The following PRKD1 variants were observed in gnomAD, a reference collection of about 807,000 sequenced individuals.
PRKD1 encodes the protein serine/threonine-protein kinase D1.
In PRKD1, 63 loss-of-function variants were observed where a neutral mutation model predicts 95.9. The ratio of observed to expected loss-of-function variants is 0.66; its 90% CI spans 0.54 to 0.81. The LOEUF (loss-of-function observed/expected upper bound fraction) is 0.81. PRKD1 is among the 30% of genes least tolerant of loss of function. PRKD1 has a pLI of 0.00. For missense variants in PRKD1, 1,048 were observed against 1,165.3 expected, an observed-to-expected ratio of 0.90 and a Z score of 1.47; for synonymous variants, 425 against 423.1, an observed-to-expected ratio of 1.00 and a Z score of -0.05.
At chr14:29,835,493 G>T (rs1328157096) in intron 1 of PRKD1, among the ~76,000 whole-genome samples, 1 of 152,142 alleles carries the variant, frequency 6.6e-6, no homozygotes, top group East Asian at 1.9e-4. Context: ...CCTTTCCCCA[G>T]TTTCCACTGA....
rs531046706 is a variant in PRKD1, at chr14:29,576,906, C to T, written c.*332G>A. 2 of 344,856 alleles carry T rather than the reference C, an allele frequency of 5.8e-6. No homozygotes were observed. The highest frequency in any genetic ancestry group is 2.1e-5 in the African/African-American group (1 of 47,894). 21.4% of individuals were successfully genotyped at this position (344,856 alleles called of 1,614,324 possible). The stretch of plus-strand genomic sequence containing the variant: ...GAACTACTTCACAGATACATTCTGT[C>T]TCTTACCAAAATGAAGCTCCAGTAA... On this transcript the variant is annotated 3_prime_UTR_variant, in exon 18 of 18. Coordinates refer to ENST00000331968, the MANE Select transcript of PRKD1 (RefSeq NM_002742.3).
chr14:29,587,701 T>A (rs1892986065), intron 16 of PRKD1, among the ~76,000 whole-genome samples: 1 of 152,212 alleles, frequency 6.6e-6, no homozygotes, highest in Non-Finnish European at 1.5e-5. Context: ...CTTATTTGGA[T>A]TTTGAAATAT....
At chr14:29,920,587 TACACACACACACACACACACACAC>T (rs5807556) in intron 1 of PRKD1, among the ~76,000 whole-genome samples, 3 of 141,310 alleles carry the variant, frequency 2.1e-5, no homozygotes, top group Non-Finnish European at 4.7e-5. Flanking sequence ...TCCAGTCTAA[TACACACACACACACACACACACAC>T]ACACACACAC....
At chr14:29,730,210 G>GA (rs1566566260) in intron 1 of PRKD1, among the ~76,000 whole-genome samples, 1 of 151,914 alleles carries the variant, frequency 6.6e-6, no homozygotes, top group Non-Finnish European at 1.5e-5. Flanking sequence ...ATAGGTATAT[G>GA]AAAAATAGAC....
chr14:29,910,882 A>G (rs959648373), intron 1 of PRKD1, among the ~76,000 whole-genome samples: 1 of 152,216 alleles, frequency 6.6e-6, no homozygotes, highest in Non-Finnish European at 1.5e-5. Context: ...AATCGAGCCA[A>G]TAAGACAACT....
In PRKD1 at chr14:29,658,484, AT is replaced by A. The variant is rs539094257; in HGVS notation, c.696+5214del. Reference sequence around the variant, plus strand: ...AGCATTTCCTAATCTTATTTGACCAATTTTTTTTTTTCAGAATATTTTATGG... The same window carrying A: ...AGCATTTCCTAATCTTATTTGACCAATTTTTTTTTTCAGAATATTTTATGG... On this transcript the variant is annotated intron_variant, in intron 4 of 17. Coordinates refer to ENST00000331968, the MANE Select transcript of PRKD1 (RefSeq NM_002742.3). Among the ~76,000 whole-genome samples the A allele has an allele frequency of 5.7e-3, 850 of 148,228 alleles. 7 individuals are homozygous for A. The highest frequency in any genetic ancestry group is 0.017 in the African/African-American group (688 of 40,678).
At chr14:29,643,567 T>C (rs1880937511) in intron 4 of PRKD1, among the ~76,000 whole-genome samples, 1 of 152,174 alleles carries the variant, frequency 6.6e-6, no homozygotes, top group Non-Finnish European at 1.5e-5. Flanking sequence ...ACTCAGCAAG[T>C]TTGCAACCTT....
intron 1 of PRKD1, among the ~76,000 whole-genome samples, chr14:29,780,253 A>G (rs1305056449): frequency 6.6e-6 from 1 of 152,236 alleles, no homozygotes; most frequent in East Asian, 1.9e-4. Context: ...CTAAAACACC[A>G]AAAGCAATGG....
intron 1 of PRKD1, among the ~76,000 whole-genome samples, chr14:29,913,485 C>T (rs150727673): frequency 6.6e-6 from 1 of 152,132 alleles, no homozygotes; most frequent in African/African-American, 2.4e-5. Flanking sequence ...AGAGCAACTC[C>T]TCTCCATTAA....
At chr14:29,691,889 A>G (rs1327134717) in intron 2 of PRKD1, among the ~76,000 whole-genome samples, 2 of 152,148 alleles carry the variant, frequency 1.3e-5, no homozygotes, top group Non-Finnish European at 2.9e-5. Context: ...AAGTTGGAAT[A>G]CAAGTTATGG....
At chr14:29,579,441 A>C (rs1046542674) in intron 16 of PRKD1, among the ~76,000 whole-genome samples, 1 of 152,144 alleles carries the variant, frequency 6.6e-6, no homozygotes, top group Non-Finnish European at 1.5e-5. Context: ...TCTTCCTACC[A>C]AAAATCTTAA....
At chr14:29,860,607 T>C (rs78639813) in intron 1 of PRKD1, among the ~76,000 whole-genome samples, 1,713 of 152,320 alleles carry the variant, frequency 0.011, 31 homozygotes, top group African/African-American at 0.04. Context: ...TTTACAGCTA[T>C]AACTTTAGAA....
chr14:29,811,077 C>T (rs1476834743), intron 1 of PRKD1, among the ~76,000 whole-genome samples: 1 of 152,174 alleles, frequency 6.6e-6, no homozygotes, highest in Non-Finnish European at 1.5e-5. Context: ...GAAGATAACA[C>T]TATGCTTATC....
At chr14:29,790,720 T>C (rs1889505312) in intron 1 of PRKD1, among the ~76,000 whole-genome samples, 5 of 152,198 alleles carry the variant, frequency 3.3e-5, no homozygotes, top group African/African-American at 9.7e-5. Context: ...CATAAAACTA[T>C]TAGATTATGA....
chr14:29,632,826 G>T, intron 9 of PRKD1, 43 bp downstream of exon 9: 1 of 1,517,594 alleles, frequency 6.6e-7, no homozygotes, highest in Non-Finnish European at 9.1e-7. Context: ...CCATGAAAAA[G>T]CAATAAGAGG....
At chr14:29,597,855 ACTTTAC>A (rs1893366506) in intron 15 of PRKD1, 97 bp from the exon 16 acceptor site, 2 of 1,228,920 alleles carry the variant, frequency 1.6e-6, no homozygotes, top group Non-Finnish European at 2.2e-6. Flanking sequence ...TATTTTAAAT[ACTTTAC>A]CTTTACATTA....
chr14:29,893,968 G>C (rs1894029165), intron 1 of PRKD1, among the ~76,000 whole-genome samples: 1 of 152,206 alleles, frequency 6.6e-6, no homozygotes, highest in Admixed American at 6.5e-5. Context: ...TGACCTCATG[G>C]AACCCAGAAT....
At chr14:29,707,194 T>C (rs559830912) in intron 2 of PRKD1, among the ~76,000 whole-genome samples, 2 of 152,186 alleles carry the variant, frequency 1.3e-5, no homozygotes, top group East Asian at 1.9e-4. Context: ...GGGTTTTATA[T>C]AGAGAAATAT....
chr14:29,924,567 T>G, intron 1 of PRKD1, among the ~76,000 whole-genome samples: 1 of 152,158 alleles, frequency 6.6e-6, no homozygotes, highest in East Asian at 1.9e-4. Context: ...AATGAAAAAC[T>G]TCTTAACACA....
Sources: gnomAD v4.1 joint callset for allele counts (sites outside exome capture counted in the v4.1 genomes callset) on GRCh38, gnomAD v4.1.1 for gene constraint, MANE v1.5 for transcripts, NCBI Gene and HGNC (gene_info 2026-07-23, HGNC 2026-07-21) for gene names.